NDUFAF6: variants seen among roughly 807,000 people sequenced by gnomAD.
The protein encoded by NDUFAF6 is NADH:ubiquinone oxidoreductase complex assembly factor 6, also known as NADH dehydrogenase (ubiquinone) complex I, assembly factor 6.
NDUFAF6 carries 45 observed loss-of-function variants against 40.8 expected under a neutral mutation model. That is an observed-to-expected ratio of 1.10 (90% CI 0.87 to 1.42). The LOEUF is 1.42. Ranked by LOEUF, NDUFAF6 falls within the 40% of genes most tolerant of loss-of-function variation. NDUFAF6 has a pLI of 0.00. For missense variants in NDUFAF6, 435 were observed against 418.5 expected, an observed-to-expected ratio of 1.04 and a Z score of -0.34; for synonymous variants, 185 against 155.9, an observed-to-expected ratio of 1.19 and a Z score of -1.39.
At chr8:95,011,785 T>C (rs1194548698) in intron 2 of NDUFAF6, among the ~76,000 whole-genome samples, 1 of 152,188 alleles carries the variant, frequency 6.6e-6, no homozygotes, top group African/African-American at 2.4e-5. Flanking sequence ...TTGATAAGTG[T>C]TGATTGGGAT....
In NDUFAF6 at chr8:95,069,456, T is replaced by A. The variant is rs1832781398; in HGVS notation, c.*512-6177T>A. Among the ~76,000 whole-genome samples the A allele has an allele frequency of 2.0e-5, 3 of 151,800 alleles. No homozygotes were observed. The South Asian group carries it at 6.2e-4, about 31-fold the overall frequency. On this transcript the variant is annotated intron_variant and NMD_transcript_variant, in intron 9 of 9. Transcript: ENST00000520757. ...GCTTTAAAGCTCTGCTTTCACATAG[T>A]TGGTCTTTAAAAATTCTATTGAATT...
intron 1 of NDUFAF6, among the ~76,000 whole-genome samples, chr8:94,907,002 C>T (rs916711773): frequency 2.0e-5 from 3 of 152,194 alleles, no homozygotes; most frequent in Admixed American, 2.0e-4. Context: ...GTTGAAACTA[C>T]GTGTCTGCCT....
intron 1 of NDUFAF6, among the ~76,000 whole-genome samples, chr8:94,979,354 A>G (rs1357309960): frequency 9.2e-5 from 14 of 152,036 alleles, no homozygotes; most frequent in African/African-American, 3.1e-4. Flanking sequence ...GTGCTTTCCT[A>G]TCTCCTCACT....
At chr8:95,039,064 C>T (rs1034370219) in intron 3 of NDUFAF6, among the ~76,000 whole-genome samples, 8 of 151,720 alleles carry the variant, frequency 5.3e-5, no homozygotes, top group Non-Finnish European at 1.0e-4. Context: ...GCAACTTTCA[C>T]CTGCTGGGCT....
intron 1 of NDUFAF6, among the ~76,000 whole-genome samples, chr8:94,916,504 T>G (rs1404036924): frequency 1.3e-5 from 2 of 152,230 alleles, no homozygotes; most frequent in African/African-American, 2.4e-5. Flanking sequence ...AAATTTTAGC[T>G]TATTCCACCT....
upstream of NDUFAF6, among the ~76,000 whole-genome samples, chr8:94,953,198 T>C (rs555212094): frequency 7.2e-5 from 11 of 152,044 alleles, no homozygotes; most frequent in East Asian, 1.7e-3. Flanking sequence ...AAATACAAAA[T>C]TAGCTGGTCA....
At chr8:95,057,098 A>T (rs1297779386) in intron 8 of NDUFAF6, among the ~76,000 whole-genome samples, 5 of 152,200 alleles carry the variant, frequency 3.3e-5, no homozygotes, top group Non-Finnish European at 7.3e-5. Context: ...GGCGCTGCTT[A>T]TGTGGACGAG....
chr8:94,912,791 C>T (rs1269805016), intron 1 of NDUFAF6, among the ~76,000 whole-genome samples: 9 of 136,860 alleles, frequency 6.6e-5, no homozygotes, highest in East Asian at 6.4e-4. Flanking sequence ...TCAACCTGGG[C>T]GACAGAGCAA....
At chr8:95,043,881 A>G (rs529839778) in intron 4 of NDUFAF6, among the ~76,000 whole-genome samples, 50 of 152,260 alleles carry the variant, frequency 3.3e-4, no homozygotes, top group African/African-American at 1.1e-3. Context: ...CAGAAATTCT[A>G]CCCCTAGGTT....
chr8:94,925,386 G>A (rs1455390368), intron 1 of NDUFAF6, among the ~76,000 whole-genome samples: 1 of 152,156 alleles, frequency 6.6e-6, no homozygotes, highest in East Asian at 1.9e-4. Context: ...TCATTTGGGA[G>A]AAGATCCATT....
At chr8:94,950,369 G>T (rs1024392387) in intron 2 of NDUFAF6, 1 of 152,320 alleles carries the variant, frequency 6.6e-6, no homozygotes, top group Non-Finnish European at 1.5e-5. Context: ...GGTGAGTAAC[G>T]TTGATGCCTA....
chr8:95,075,649 A>G (rs746299832), exon 10 of NDUFAF6: 1 of 1,288,478 alleles, frequency 7.8e-7, no homozygotes. Flanking sequence ...AAGGATGCAG[A>G]CACTCAGGGC....
At chr8:94,931,931 C>A in intron 1 of NDUFAF6, 1 of 752,516 alleles carries the variant, frequency 1.3e-6, no homozygotes, top group Non-Finnish European at 2.1e-6. Context: ...AATATCACAC[C>A]ATTGCACTCC....
intron 1 of NDUFAF6, chr8:94,976,122 C>T (rs534484424): frequency 6.6e-6 from 1 of 151,454 alleles, no homozygotes; most frequent in African/African-American, 2.4e-5. Context: ...AGGCATGAAC[C>T]CGGGAGGTGG....
chr8:95,014,099 C>T (rs901306588), intron 2 of NDUFAF6, among the ~76,000 whole-genome samples: 2 of 152,228 alleles, frequency 1.3e-5, no homozygotes, highest in African/African-American at 2.4e-5. Context: ...CAAAACAACT[C>T]AGCTGACACC....
intron 2 of NDUFAF6, among the ~76,000 whole-genome samples, chr8:95,005,553 A>ATATATATATATAT (rs60157067): frequency 3.2e-5 from 4 of 124,340 alleles, no homozygotes; most frequent in African/African-American, 1.3e-4. Flanking sequence ...ATATATATAT[A>ATATATATATATAT]AAAAATATAT....
chr8:95,034,686 TC>T (rs1406360252), intron 2 of NDUFAF6: 1 of 152,378 alleles, frequency 6.6e-6, no homozygotes, highest in African/African-American at 2.4e-5. Context: ...CTCTTCAGAG[TC>T]AGAAGGAGGC....
intron 1 of NDUFAF6, among the ~76,000 whole-genome samples, chr8:94,971,403 G>A (rs1411927261): frequency 1.3e-5 from 2 of 152,160 alleles, no homozygotes; most frequent in African/African-American, 4.8e-5. Flanking sequence ...TGGTGTAACA[G>A]TGCCTCTGCC....
chr8:95,104,301 TA>T (rs1809750223), downstream of NDUFAF6, among the ~76,000 whole-genome samples: 1 of 152,208 alleles, frequency 6.6e-6, no homozygotes, highest in Admixed American at 6.5e-5. Context: ...TCCGTGGAAA[TA>T]ATCAGTTGGA....
Sources: allele counts gnomAD v4.1 joint callset (sites outside exome capture counted in the v4.1 genomes callset), GRCh38; gene constraint gnomAD v4.1.1; transcripts MANE v1.5; gene names NCBI Gene and HGNC (gene_info 2026-07-23, HGNC 2026-07-21).